The following ARHGAP22 variants were observed in gnomAD, a reference collection of about 807,000 sequenced individuals.
ARHGAP22 encodes the protein rho GTPase-activating protein 22.
In ARHGAP22, 48 loss-of-function variants were observed where a neutral mutation model predicts 59.1. The observed-to-expected ratio is 0.81, with a 90% CI of 0.64 to 1.03. The LOEUF is 1.03. Among genes scored for constraint, ARHGAP22 ranks in the 50% least tolerant of loss-of-function variants. The pLI is 0.00. For missense variants in ARHGAP22, 1,015 were observed against 958.7 expected (o/e 1.06, Z -0.78); for synonymous variants, 445 against 416.4 (o/e 1.07, Z -0.84).
intron 3 of ARHGAP22, among the ~76,000 whole-genome samples, chr10:48,507,394 G>A (rs574585242): frequency 2.0e-5 from 3 of 152,320 alleles, no homozygotes; most frequent in South Asian, 2.1e-4. Context: ...TATGATATGC[G>A]TAAATTAGAA....
chr10:48,546,049 A>G (rs1366821432), intron 3 of ARHGAP22, among the ~76,000 whole-genome samples: 1 of 152,234 alleles, frequency 6.6e-6, no homozygotes, highest in East Asian at 1.9e-4. Context: ...CCCCCAAGGC[A>G]GAGATGTTGT....
intron 1 of ARHGAP22, among the ~76,000 whole-genome samples, chr10:48,634,528 A>G (rs2061738118): frequency 6.6e-6 from 1 of 152,230 alleles, no homozygotes; most frequent in African/African-American, 2.4e-5. Context: ...CTCAGCCCTT[A>G]TTTGGTTCTG....
Position 48,450,404 on chromosome 10 carries a change from C to G in ARHGAP22, c.1725G>C (p.Ala575=), listed in dbSNP as rs781427375. 1.9e-6 allele frequency: 3 copies of G among 1,569,374 alleles called. No homozygotes were observed. The highest frequency in any genetic ancestry group is 2.3e-5 in the South Asian group (2 of 85,860). The change falls in exon 9 of 10, where the codon GCG becomes GCC. Residue 575 remains alanine, a synonymous_variant. Transcript: ENST00000249601. The part of the protein sequence containing the change: ...DLDHSMDEAG[A]GASNSEPSEP... ...CGCTGGGCTCGCTGTTGCTGGCACC[C>G]GCGCCCGCCTCGTCCATGCTGTGGT...
chr10:48,579,069 T>C (rs1459087642), intron 2 of ARHGAP22, among the ~76,000 whole-genome samples: 3 of 151,844 alleles, frequency 2.0e-5, no homozygotes, highest in African/African-American at 7.3e-5. Flanking sequence ...TCTTATTTAT[T>C]AGTTTTTTAC....
rs1180977090 is a variant in ARHGAP22, at chr10:48,451,714, C to T, written c.989-574G>A. ...AATGCACCCCATCCACCCCCAAAGTCCCACACACACACACAACTGGACAAT... is the reference window on the plus strand; with the variant it reads ...AATGCACCCCATCCACCCCCAAAGTTCCACACACACACACAACTGGACAAT... On this transcript the variant is annotated intron_variant, in intron 8 of 9. Coordinates refer to ENST00000249601, the MANE Select transcript of ARHGAP22 (RefSeq NM_021226.4). The T allele has an allele frequency of 6.6e-6, 4 of 605,750 alleles. No homozygotes were observed. In the East Asian group the frequency reaches 1.1e-4, roughly 17 times the overall value. The allele number at this position is 605,750 out of a possible 1,614,324, so 37.5% of individuals were successfully genotyped here. A position where few individuals can be genotyped will look rare whatever the true frequency, so the allele number is the denominator to read the frequency against.
chr10:48,446,201 A>C lies in ARHGAP22; in HGVS notation c.*190T>G. ...CCCTCACCAGGAACTGCATGGTTGGAGCAGCATCTGATCCCACCTGGAGTG... is the reference window on the plus strand; with the variant it reads ...CCCTCACCAGGAACTGCATGGTTGGCGCAGCATCTGATCCCACCTGGAGTG... On this transcript the variant is annotated 3_prime_UTR_variant, in exon 10 of 10. Coordinates refer to ENST00000249601, the MANE Select transcript of ARHGAP22 (RefSeq NM_021226.4). 1 of 620,658 alleles carries C rather than the reference A, an allele frequency of 1.6e-6. No homozygotes were observed. The highest frequency in any genetic ancestry group is 2.0e-5 in the South Asian group (1 of 49,098). The allele number at this position is 620,658 out of a possible 1,614,324, so 38.4% of individuals were successfully genotyped here.
chr10:48,618,989 A>G (rs2061188804), intron 1 of ARHGAP22, among the ~76,000 whole-genome samples: 1 of 152,136 alleles, frequency 6.6e-6, no homozygotes, highest in East Asian at 1.9e-4. Context: ...ACTAATAAAC[A>G]AATTCAGTAA....
intron 6 of ARHGAP22, 117 bp from the exon 7 acceptor site, chr10:48,454,278 A>C (rs530867279): frequency 2.1e-6 from 2 of 930,992 alleles, no homozygotes; most frequent in South Asian, 2.7e-5. Context: ...CCCAGCCCCA[A>C]CAGACCAGAG....
intron 4 of ARHGAP22, among the ~76,000 whole-genome samples, chr10:48,478,591 C>T (rs1212772954): frequency 2.0e-5 from 3 of 152,234 alleles, no homozygotes; most frequent in Non-Finnish European, 4.4e-5. Context: ...GCCCAGCCAG[C>T]TTTCAGACTC....
At chr10:48,623,122 C>T (rs569564532) in intron 1 of ARHGAP22, among the ~76,000 whole-genome samples, 3 of 152,362 alleles carry the variant, frequency 2.0e-5, no homozygotes, top group African/African-American at 7.2e-5. Flanking sequence ...AGCCTGCGGA[C>T]ATAGCCATCA....
intron 2 of ARHGAP22, among the ~76,000 whole-genome samples, chr10:48,558,755 A>G (rs866957431): frequency 4.6e-5 from 7 of 152,334 alleles, no homozygotes; most frequent in Middle Eastern, 3.4e-3. Flanking sequence ...TGGGGAAAGT[A>G]GGACCATTTG....
In ARHGAP22 at chr10:48,459,854, G is replaced by A. The variant is rs78086414; in HGVS notation, c.489C>T (p.His163=). ...FGQRLEETVH[H]ERKYGPRLAP... ...CCAGGCGGGGGCCATACTTCCGCTC[G>A]TGGTGGACTGTTTCCTCTAGGCGCT... Residue 163 remains histidine, a synonymous_variant, in exon 5 of 10, where the codon CAC becomes CAT. Coordinates refer to ENST00000249601, the MANE Select transcript of ARHGAP22 (RefSeq NM_021226.4). The A allele has an allele frequency of 3.2e-4, 516 of 1,613,162 alleles. No individual in the cohort carries two copies. The East Asian group carries it at 6.2e-3, about 19-fold the overall frequency.
intron 4 of ARHGAP22, among the ~76,000 whole-genome samples, chr10:48,463,112 G>A (rs1420398863): frequency 1.3e-5 from 2 of 152,174 alleles, no homozygotes; most frequent in Admixed American, 6.5e-5. Flanking sequence ...AAATCCAGAC[G>A]TGGTGACACC....
chr10:48,647,793 C>A (rs2062372144), intron 1 of ARHGAP22, among the ~76,000 whole-genome samples: 1 of 152,206 alleles, frequency 6.6e-6, no homozygotes, highest in Non-Finnish European at 1.5e-5. Context: ...ACCCAAAAGT[C>A]CATCAACGGG....
In ARHGAP22 at chr10:48,628,160, G is replaced by A. The variant is rs1403222012; in HGVS notation, c.52+24074C>T. The stretch of plus-strand genomic sequence containing the variant: ...GCCACCCTCTGTTCAGGATGGCCCT[G>A]CCTTCCAGTTCTGCACTCACGCAGT... On this transcript the variant is annotated intron_variant, in intron 1 of 9. Transcript: ENST00000435790. 5.3e-5 allele frequency among the ~76,000 whole-genome samples: 8 copies of A among 152,338 alleles called. No individual in the cohort carries two copies. In the East Asian group the frequency reaches 1.5e-3, roughly 29 times the overall value.
At chr10:48,643,816 T>C (rs1231174712) in intron 1 of ARHGAP22, among the ~76,000 whole-genome samples, 1 of 151,308 alleles carries the variant, frequency 6.6e-6, no homozygotes, top group Non-Finnish European at 1.5e-5. Flanking sequence ...CAGCTGGAAC[T>C]GGTCATGTTA....
intron 1 of ARHGAP22, among the ~76,000 whole-genome samples, chr10:48,594,261 A>G (rs2135787715): frequency 6.6e-6 from 1 of 152,326 alleles, no homozygotes; most frequent in Admixed American, 6.5e-5. Context: ...GACCAAGCCT[A>G]TCTGTGGTCC....
chr10:48,453,052 T>C (rs763598589), intron 8 of ARHGAP22, among the ~76,000 whole-genome samples: 1 of 152,226 alleles, frequency 6.6e-6, no homozygotes, highest in Admixed American at 6.5e-5. Flanking sequence ...GCTATTCTAA[T>C]TGCACCCAGT....
chr10:48,528,216 G>A (rs753266862), intron 3 of ARHGAP22, among the ~76,000 whole-genome samples: 15 of 152,130 alleles, frequency 9.9e-5, no homozygotes, highest in Non-Finnish European at 1.6e-4. Context: ...GCCCTCCATA[G>A]TTCCAATGCA....
Sources: gnomAD v4.1 joint callset for allele counts (sites outside exome capture counted in the v4.1 genomes callset) on GRCh38, gnomAD v4.1.1 for gene constraint, MANE v1.5 for transcripts, NCBI Gene and HGNC (gene_info 2026-07-23, HGNC 2026-07-21) for gene names.